COL11A1: variants seen among roughly 807,000 people sequenced by gnomAD.
The protein encoded by COL11A1 is collagen type XI alpha 1 chain, also known as collagen alpha-1(XI) chain.
Under a neutral mutation model 265.2 loss-of-function variants are expected in COL11A1, and 74 were observed. That is an observed-to-expected ratio of 0.28 (90% CI 0.23 to 0.34). The LOEUF is 0.34. COL11A1 is among the 10% of genes least tolerant of loss of function. COL11A1 has a pLI of 1.00. For missense variants in COL11A1, 2,165 were observed against 2,263.6 expected, an observed-to-expected ratio of 0.96 and a Z score of 0.88; for synonymous variants, 816 against 727.6, an observed-to-expected ratio of 1.12 and a Z score of -1.96.
chr1:103,042,107 A>T (rs1254213746), intron 4 of COL11A1, among the ~76,000 whole-genome samples: 1 of 152,088 alleles, frequency 6.6e-6, no homozygotes, highest in African/African-American at 2.4e-5. Flanking sequence ...TTACTTTGAG[A>T]ATATTTGTCT....
At chr1:102,991,178 G>T (rs896382431) in intron 28 of COL11A1, among the ~76,000 whole-genome samples, 22 of 152,176 alleles carry the variant, frequency 1.4e-4, no homozygotes, top group African/African-American at 5.1e-4. Context: ...GGAGGAGGTG[G>T]TGAGGCAGGA....
At chr1:102,884,733 C>T (rs1650744283) in intron 63 of COL11A1, 1 of 152,304 alleles carries the variant, frequency 6.6e-6, no homozygotes, top group Non-Finnish European at 1.5e-5. Context: ...GAGATGCAAA[C>T]CTCAGAAGCA....
At chr1:103,038,749 T>A (rs1668576849) in intron 4 of COL11A1, among the ~76,000 whole-genome samples, 1 of 152,026 alleles carries the variant, frequency 6.6e-6, no homozygotes, top group South Asian at 2.1e-4. Flanking sequence ...AAGCAGCCAG[T>A]TTGGAGTCAG....
At chr1:102,930,089 C>T (rs1052406868) in intron 46 of COL11A1, among the ~76,000 whole-genome samples, 1 of 152,156 alleles carries the variant, frequency 6.6e-6, no homozygotes, top group Non-Finnish European at 1.5e-5. Flanking sequence ...TTATTTCCTT[C>T]TCCTGCCTAA....
At position 102,913,675 on chromosome 1, in the gene COL11A1, C is replaced by T; in HGVS notation, c.3994G>A (p.Gly1332Ser). The stretch of plus-strand genomic sequence containing the variant: ...TCTCCATCTTCACCCTTGTCACCAC[C>T]AACACCATCTTGACCCTATAAGAGG... Reference protein sequence around the residue: ...EPGPAGQDGVGGDKGEDGDPG... With the variant: ...EPGPAGQDGVSGDKGEDGDPG... The change falls in exon 53 of 67, where the codon GGT becomes AGT. Residue 1332 changes from glycine (G) to serine (S), a missense_variant. By Grantham distance (56) the Gly-to-Ser change is moderately conservative. Coordinates refer to ENST00000370096, the MANE Select transcript of COL11A1 (RefSeq NM_001854.4). The T allele has an allele frequency of 6.2e-7, 1 of 1,613,334 alleles. No homozygotes were observed. The highest frequency in any genetic ancestry group is 8.5e-7 in the Non-Finnish European group (1 of 1,179,584).
intron 4 of COL11A1, among the ~76,000 whole-genome samples, chr1:103,048,239 T>C (rs975890604): frequency 6.6e-6 from 1 of 152,144 alleles, no homozygotes; most frequent in Admixed American, 6.6e-5. Flanking sequence ...GTCCTGGACT[T>C]TTTTTGGTTG....
chr1:103,027,820 A>G (rs978042514), intron 5 of COL11A1, among the ~76,000 whole-genome samples: 4 of 152,150 alleles, frequency 2.6e-5, no homozygotes, highest in Admixed American at 2.0e-4. Flanking sequence ...ATTCAAGGAT[A>G]TATACAGACC....
chr1:102,915,108 G>A (rs188452443), intron 50 of COL11A1, among the ~76,000 whole-genome samples: 2 of 152,180 alleles, frequency 1.3e-5, no homozygotes, highest in African/African-American at 2.4e-5. Context: ...GTTTTACCAC[G>A]TTGGGCCAGA....
At chr1:103,037,129 C>T (rs1306690896) in intron 4 of COL11A1, among the ~76,000 whole-genome samples, 1 of 147,126 alleles carries the variant, frequency 6.8e-6, no homozygotes, top group Non-Finnish European at 1.5e-5. Flanking sequence ...CTTTGGTTTG[C>T]ATATATATAA....
intron 64 of COL11A1, 89 bp downstream of exon 64, chr1:102,883,110 T>C: frequency 2.3e-6 from 2 of 851,660 alleles, no homozygotes; most frequent in Admixed American, 1.7e-5. Context: ...TAAATGAAAA[T>C]ATGACAGTAT....
At chr1:103,081,652 C>G (rs1672422109) in intron 2 of COL11A1, among the ~76,000 whole-genome samples, 1 of 151,820 alleles carries the variant, frequency 6.6e-6, no homozygotes, top group South Asian at 2.1e-4. Context: ...GTGTACTGTG[C>G]TGTTTTGTAA....
In COL11A1 at chr1:102,943,941, C is replaced by A. The variant is rs1010989738; in HGVS notation, c.3276+2908G>T. On this transcript the variant is annotated intron_variant, in intron 42 of 66. Coordinates refer to ENST00000370096, the MANE Select transcript of COL11A1 (RefSeq NM_001854.4). ...GAATCAGTTTCCCTATCAAAATTTT[C>A]TATCAATGAAATTAAATTGGAGAAG... Among the ~76,000 whole-genome samples, 6 of 152,186 alleles carry A rather than the reference C, an allele frequency of 3.9e-5. No homozygotes were observed. In the East Asian group the frequency reaches 1.2e-3, roughly 29 times the overall value.
chr1:102,942,350 C>T lies in COL11A1; in HGVS notation c.3277-1916G>A, dbSNP rs150603090. Reference sequence around the variant, plus strand: ...ATAATCTCTAGCCAGGAATCACTTGCCATTCATTTCTTCTGACCCTGGTCT... The same window carrying T: ...ATAATCTCTAGCCAGGAATCACTTGTCATTCATTTCTTCTGACCCTGGTCT... On this transcript the variant is annotated intron_variant, in intron 42 of 66. Transcript: ENST00000370096. Among the ~76,000 whole-genome samples, 7 of 152,242 alleles carry T rather than the reference C, an allele frequency of 4.6e-5. No homozygotes were observed. The East Asian group carries it at 1.4e-3, about 29-fold the overall frequency.
intron 10 of COL11A1, among the ~76,000 whole-genome samples, chr1:103,018,594 G>T (rs1476629623): frequency 6.6e-6 from 1 of 152,114 alleles, no homozygotes; most frequent in Admixed American, 6.6e-5. Flanking sequence ...TTTAGAAGAT[G>T]CAGAGGTATC....
At chr1:103,080,580 C>T (rs894992342) in intron 2 of COL11A1, among the ~76,000 whole-genome samples, 2 of 151,704 alleles carry the variant, frequency 1.3e-5, no homozygotes, top group South Asian at 2.1e-4. Flanking sequence ...TGCTCAACAT[C>T]GTTAATCATT....
At chr1:102,989,692 G>T in intron 28 of COL11A1, 121 bp from the exon 29 acceptor site, 1 of 566,114 alleles carries the variant, frequency 1.8e-6, no homozygotes, top group Non-Finnish European at 3.1e-6. Flanking sequence ...AAATGTGCAT[G>T]GTAGTTGTGA....
intron 13 of COL11A1, among the ~76,000 whole-genome samples, 167 bp downstream of exon 13, chr1:103,014,344 T>A (rs759337230): frequency 1.3e-5 from 2 of 152,176 alleles, no homozygotes; most frequent in Non-Finnish European, 2.9e-5. Flanking sequence ...TAATAAACAT[T>A]ACTACTAGAA....
chr1:103,044,486 C>A (rs569973756), intron 4 of COL11A1, among the ~76,000 whole-genome samples: 3 of 151,948 alleles, frequency 2.0e-5, no homozygotes, highest in Non-Finnish European at 4.4e-5. Context: ...ACAGAAAATG[C>A]CAAAAGTTGG....
intron 1 of COL11A1, among the ~76,000 whole-genome samples, chr1:103,098,304 A>G (rs754787471): frequency 3.3e-5 from 5 of 151,960 alleles, no homozygotes; most frequent in Non-Finnish European, 7.4e-5. Flanking sequence ...TATGATGAAT[A>G]GCCTTTCACT....
Sources: allele counts gnomAD v4.1 joint callset (sites outside exome capture counted in the v4.1 genomes callset), GRCh38; gene constraint gnomAD v4.1.1; transcripts MANE v1.5; gene names NCBI Gene and HGNC (gene_info 2026-07-23, HGNC 2026-07-21).